The following PHF12 variants were observed in gnomAD, a reference collection of about 807,000 sequenced individuals.
PHF12 encodes PHD finger protein 12, also known as PHD factor 1.
PHF12 carries 6 observed loss-of-function variants against 99.8 expected under a neutral mutation model. The ratio of observed to expected loss-of-function variants is 0.06; its 90% CI spans 0.03 to 0.12. PHF12 has a LOEUF of 0.12. Ranked by LOEUF, PHF12 falls within the 10% of genes least tolerant of loss-of-function variation. PHF12 has a pLI of 1.00. For synonymous variants in PHF12, 480 were observed against 514.9 expected, an observed-to-expected ratio of 0.93 and a Z score of 0.92; for missense variants, 954 against 1,300.1, an observed-to-expected ratio of 0.73 and a Z score of 4.09.
At chr17:28,935,762 C>G (rs1295901597) in intron 2 of PHF12, among the ~76,000 whole-genome samples, 1 of 152,118 alleles carries the variant, frequency 6.6e-6, no homozygotes, top group Non-Finnish European at 1.5e-5. Flanking sequence ...ACATACAAAC[C>G]AATTCCTAAA....
At chr17:28,916,589 AAAGAGAAAAAC>A (rs1178821595) in intron 7 of PHF12, among the ~76,000 whole-genome samples, 1 of 152,210 alleles carries the variant, frequency 6.6e-6, no homozygotes, top group Non-Finnish European at 1.5e-5. Context: ...GATCATTTCA[AAAGAGAAAAAC>A]AAGTTTATAT....
intron 2 of PHF12, among the ~76,000 whole-genome samples, chr17:28,937,806 G>A (rs1444086490): frequency 6.6e-6 from 1 of 152,180 alleles, no homozygotes; most frequent in Admixed American, 6.5e-5. Context: ...GGCTATTCTT[G>A]CAATTCTGGC....
In PHF12 at chr17:28,912,585, T is replaced by C. The variant is rs750932736; in HGVS notation, c.1986A>G (p.Ser662=). ...PPLTDSRPLG[S]PPNATRVLTP... is the part of the protein sequence containing the mutation. ...TGAGCACCCGGGTGGCGTTTGGGGG[T>C]GAGCCCAGTGGCCTTGAATCTGTCA... The change falls in exon 9 of 15, where the codon TCA becomes TCG. Residue 662 remains serine (S), a synonymous_variant. Transcript: ENST00000332830. 30 of 1,613,974 alleles carry C rather than the reference T, an allele frequency of 1.9e-5. No homozygotes were observed. The highest frequency in any genetic ancestry group is 2.4e-5 in the Non-Finnish European group (28 of 1,180,010).
At chr17:28,932,339 C>T (rs756410584) in intron 2 of PHF12, among the ~76,000 whole-genome samples, 2 of 152,038 alleles carry the variant, frequency 1.3e-5, no homozygotes, top group Non-Finnish European at 2.9e-5. Flanking sequence ...ACTATGTTGC[C>T]GAAGGCTGGG....
chr17:28,906,176 G>A lies in PHF12; in HGVS notation c.*7C>T, dbSNP rs201307671. ...TGTACAGGCCAGTGGCGGGGTAGCC[G>A]CCAGTCCTAAGGAACAGAGTTGGAG... On this transcript the variant is annotated 3_prime_UTR_variant, in exon 15 of 15. Transcript: ENST00000332830. The surrounding 1 kb of genome is among the most constrained non-coding windows in gnomAD (Gnocchi z 4.2). 55 of 1,557,216 alleles carry A rather than the reference G, an allele frequency of 3.5e-5. No homozygotes were observed. The Admixed American group carries it at 4.7e-4, about 13-fold the overall frequency.
rs566034370 is a variant in PHF12 at position 28,948,102 on chromosome 17, T to C, written c.248+1963A>G. 7.2e-5 allele frequency among the ~76,000 whole-genome samples: 11 copies of C among 152,324 alleles called. No homozygotes were observed. In the East Asian group the frequency reaches 1.2e-3, roughly 16 times the overall value. On this transcript the variant is annotated intron_variant, in intron 2 of 14. Coordinates refer to ENST00000332830, the MANE Select transcript of PHF12 (RefSeq NM_001033561.2). ...TCAGGCAAAACAGACAGCACACTTT[T>C]CCCATGCCTGAGGTTTCTAATAAAC... is the stretch of plus-strand genomic sequence containing the variant.
intron 2 of PHF12, among the ~76,000 whole-genome samples, chr17:28,947,446 C>T (rs1055978926): frequency 2.6e-5 from 4 of 151,996 alleles, no homozygotes; most frequent in Non-Finnish European, 5.9e-5. Context: ...GGTGTGGTGG[C>T]GGGCACCTAT....
At chr17:28,939,387 T>G (rs541061994) in intron 2 of PHF12, among the ~76,000 whole-genome samples, 3 of 152,366 alleles carry the variant, frequency 2.0e-5, no homozygotes, top group Non-Finnish European at 4.4e-5. Flanking sequence ...TATGACAAGT[T>G]ACAGGTTTAG....
intron 5 of PHF12, among the ~76,000 whole-genome samples, chr17:28,921,120 G>A (rs1029410961): frequency 1.1e-4 from 16 of 150,658 alleles, no homozygotes; most frequent in Admixed American, 8.6e-4. Context: ...TCCTGACCTT[G>A]TGATCAGCCT....
At chr17:28,919,061 G>A (rs558782951) in intron 6 of PHF12, 82 bp downstream of exon 6, 1 of 1,494,726 alleles carries the variant, frequency 6.7e-7, no homozygotes, top group East Asian at 2.4e-5. Context: ...TTGGCACCAA[G>A]CTGACCTTAA....
Position 28,950,421 on chromosome 17 carries a change from C to A in PHF12, c.67-175G>T. 1.5e-6 allele frequency: 1 copy of A among 658,996 alleles called. No homozygotes were observed. Among genetic ancestry groups the A allele is most frequent in the Non-Finnish European group, 2.5e-6 (1 of 392,336 alleles). The allele number at this position is 658,996 out of a possible 1,614,324, so 40.8% of individuals were successfully genotyped here. A position where few individuals can be genotyped will look rare whatever the true frequency, so the allele number is the denominator to read the frequency against. ...CGGAACCAGGGGGAGCCCACCCTAA[C>A]CGCGTTCCTGCAGCACAACAACGAG... On this transcript the variant is annotated intron_variant, in intron 1 of 14. Coordinates refer to ENST00000332830, the MANE Select transcript of PHF12 (RefSeq NM_001033561.2). The surrounding 1 kb of genome is among the most constrained non-coding windows in gnomAD (Gnocchi z 5.7).
At chr17:28,909,050 T>C in intron 11 of PHF12, 169 bp from the exon 12 acceptor site, 1 of 633,532 alleles carries the variant, frequency 1.6e-6, no homozygotes, top group Non-Finnish European at 2.8e-6. Flanking sequence ...TAAGGCTTTC[T>C]CTCCCCACCC....
In PHF12 at chr17:28,917,404, C is replaced by T. The variant is rs766933511; in HGVS notation, c.1015G>A (p.Asp339Asn). 6.2e-7 allele frequency: 1 copy of T among 1,613,872 alleles called. No individual in the cohort carries two copies. The highest frequency in any genetic ancestry group is 1.1e-5 in the South Asian group (1 of 91,044). ...MTLSNRCQVF[D>N]RFQDTVSQHV... ...TGCGAAACGGTGTCCTGGAAACGAT[C>T]AAACACCTGGCACCGATTGCTCAGT... The change falls in exon 7 of 15, where the codon GAT becomes AAT. Residue 339 changes from aspartate (D) to asparagine (N), a missense_variant. Asp to Asn is a conservative substitution (Grantham distance 23). This residue lies in a region of PHF12 where 85 missense variants were observed against 196.6 expected (regional missense o/e 0.43). Coordinates refer to ENST00000332830, the MANE Select transcript of PHF12 (RefSeq NM_001033561.2).
intron 5 of PHF12, 56 bp downstream of exon 5, chr17:28,921,632 A>G: frequency 6.3e-7 from 1 of 1,589,390 alleles, no homozygotes; most frequent in South Asian, 1.1e-5. Flanking sequence ...GTGATGAGAG[A>G]AAAAGTATCA....
Position 28,906,326 on chromosome 17 carries a change from G to A in PHF12, c.2872C>T (p.Leu958=), listed in dbSNP as rs1010438689. 6.2e-7 allele frequency: 1 copy of A among 1,614,226 alleles called. No homozygotes were observed. Among genetic ancestry groups the A allele is most frequent in the Middle Eastern group, 1.6e-4 (1 of 6,062 alleles). The change falls in exon 15 of 15, where the codon CTG becomes TTG. Residue 958 remains leucine (L), a synonymous_variant. Transcript: ENST00000332830. This position sits in a 1 kb window ranked among gnomAD's most constrained non-coding sequence, Gnocchi z 4.2. Reference sequence around the variant, plus strand: ...TCAGTGATGCTGAAGACAAACTGCAGGCAGCCCAGCTTGATGTAGCTGCCA... The same window carrying A: ...TCAGTGATGCTGAAGACAAACTGCAAGCAGCCCAGCTTGATGTAGCTGCCA... ...HHGSYIKLGC[L]QFVFSITEFA... is the part of the protein sequence containing the mutation.
chr17:28,945,917 T>C (rs537830437), intron 2 of PHF12, among the ~76,000 whole-genome samples: 11 of 152,242 alleles, frequency 7.2e-5, no homozygotes, highest in East Asian at 1.9e-4. Context: ...GGGTGGATCA[T>C]GAGGTCAGGA....
intron 2 of PHF12, among the ~76,000 whole-genome samples, chr17:28,935,891 A>G (rs73266421): frequency 1.2e-3 from 183 of 152,336 alleles, no homozygotes; most frequent in African/African-American, 4.1e-3. Flanking sequence ...ATCAAGGAGA[A>G]AACCACAAAC....
chr17:28,923,817 C>T (rs1328084893), intron 4 of PHF12, 92 bp downstream of exon 4: 3 of 1,430,114 alleles, frequency 2.1e-6, no homozygotes, highest in Non-Finnish European at 2.8e-6. Context: ...ACAGTAGCTA[C>T]ATGAACAGTG....
In PHF12 at chr17:28,912,654, G is replaced by T; in HGVS notation, c.1917C>A (p.Ser639Arg). 1 of 1,614,218 alleles carries T rather than the reference G, an allele frequency of 6.2e-7. No homozygotes were observed. The highest frequency in any genetic ancestry group is 8.5e-7 in the Non-Finnish European group (1 of 1,180,050). The stretch of plus-strand genomic sequence containing the variant: ...ATTGGACAGTCTTTCTTTGCAAAGT[G>T]CTGGTGTTCTCGATGCTGGCACAAG... ...PSSCASIENT[S>R]TLQRKTVQSQ... is the part of the protein sequence containing the mutation. Residue 639 changes from serine (S) to arginine (R), a missense_variant, in exon 9 of 15, where the codon AGC becomes AGA. By Grantham distance (110) the Ser-to-Arg change is moderately radical (BLOSUM62 -1). Coordinates refer to ENST00000332830, the MANE Select transcript of PHF12 (RefSeq NM_001033561.2).
Sources: allele counts gnomAD v4.1 joint callset (sites outside exome capture counted in the v4.1 genomes callset), GRCh38; gene constraint gnomAD v4.1.1; regional missense constraint gnomAD v4.1.1; non-coding constraint Gnocchi (gnomAD v3.1); transcripts MANE v1.5; gene names NCBI Gene and HGNC (gene_info 2026-07-23, HGNC 2026-07-21).